The following ATP8A2 variants were observed in gnomAD, a reference collection of about 807,000 sequenced individuals.
The protein encoded by ATP8A2 is phospholipid-transporting ATPase IB.
In ATP8A2, 100 loss-of-function variants were observed where a neutral mutation model predicts 165.6. The observed-to-expected ratio is 0.60, with a 90% CI of 0.51 to 0.71. The LOEUF is 0.71. Ranked by LOEUF, ATP8A2 falls within the 30% of genes least tolerant of loss-of-function variation. The pLI is 0.00. For synonymous variants in ATP8A2, 543 were observed against 548.8 expected, an observed-to-expected ratio of 0.99 and a Z score of 0.15; for missense variants, 1,227 against 1,479.5, an observed-to-expected ratio of 0.83 and a Z score of 2.80.
chr13:25,679,758 C>G (rs1031809015), intron 24 of ATP8A2, among the ~76,000 whole-genome samples: 1 of 152,130 alleles, frequency 6.6e-6, no homozygotes, highest in Non-Finnish European at 1.5e-5. Context: ...CGAAGGATAC[C>G]ACCCTGGGCC....
chr13:25,809,285 G>A (rs781627707), intron 27 of ATP8A2, among the ~76,000 whole-genome samples: 5 of 152,002 alleles, frequency 3.3e-5, no homozygotes, highest in African/African-American at 7.2e-5. Context: ...TCAGCATCTC[G>A]CAGTATACCC....
At chr13:25,929,681 G>GA in intron 33 of ATP8A2, among the ~76,000 whole-genome samples, 1 of 152,156 alleles carries the variant, frequency 6.6e-6, no homozygotes, top group East Asian at 1.9e-4. Flanking sequence ...AACACAGTGA[G>GA]ACCTCGTCTC....
chr13:25,578,156 C>T lies in ATP8A2; in HGVS notation c.1783-659C>T, dbSNP rs150453037. On this transcript the variant is annotated intron_variant, in intron 20 of 36. Transcript: ENST00000381655. ...GCTGTCAGTATAGAAGAGGTACATA[C>T]GAAAATGTTGCAAAGGTGTGTTGTA... Among the ~76,000 whole-genome samples the T allele has an allele frequency of 1.4e-3, 211 of 152,246 alleles. 1 individual carries two copies. The highest frequency in any genetic ancestry group is 4.8e-3 in the African/African-American group (201 of 41,562).
At chr13:25,860,330 A>G (rs1952308502) in intron 31 of ATP8A2, 74 bp downstream of exon 31, 1 of 817,066 alleles carries the variant, frequency 1.2e-6, no homozygotes, top group Non-Finnish European at 2.0e-6. Flanking sequence ...AACCCTTAAA[A>G]AGGGCCTTCC....
At chr13:25,738,328 T>G in intron 25 of ATP8A2, among the ~76,000 whole-genome samples, 1 of 104,528 alleles carries the variant, frequency 9.6e-6, no homozygotes, top group Non-Finnish European at 1.8e-5. Flanking sequence ...TTTTTTTCTT[T>G]TTGTGCCCCC....
intron 2 of ATP8A2, among the ~76,000 whole-genome samples, chr13:25,511,076 T>G (rs9578877): frequency 0.022 from 3,400 of 152,322 alleles, 56 homozygotes; most frequent in African/African-American, 0.044. Context: ...TTCTCTACAT[T>G]GTGAAATACA....
At chr13:25,890,456 A>G (rs1468226668) in intron 33 of ATP8A2, among the ~76,000 whole-genome samples, 5 of 152,240 alleles carry the variant, frequency 3.3e-5, no homozygotes, top group Non-Finnish European at 7.3e-5. Context: ...CTAATGAAAT[A>G]TATTGTACTA....
At chr13:25,476,348 C>T (rs964474614) in intron 2 of ATP8A2, among the ~76,000 whole-genome samples, 6 of 151,460 alleles carry the variant, frequency 4.0e-5, no homozygotes, top group Admixed American at 6.6e-5. Flanking sequence ...TGCAGTGGCG[C>T]GAACTCCACT....
chr13:25,862,915 G>A (rs1272359566), intron 33 of ATP8A2, among the ~76,000 whole-genome samples: 2 of 152,206 alleles, frequency 1.3e-5, no homozygotes, highest in African/African-American at 4.8e-5. Context: ...GAGAGGCTGA[G>A]ATTGAAGACC....
intron 1 of ATP8A2, among the ~76,000 whole-genome samples, chr13:25,438,392 C>G (rs996941341): frequency 1.3e-5 from 2 of 152,026 alleles, no homozygotes; most frequent in Admixed American, 1.3e-4. Context: ...TCTTGCAATC[C>G]CAGCACTTTG....
At chr13:25,987,710 G>A (rs947467378) in intron 35 of ATP8A2, among the ~76,000 whole-genome samples, 7 of 152,202 alleles carry the variant, frequency 4.6e-5, no homozygotes, top group Admixed American at 1.3e-4. Context: ...CAGGTGATAG[G>A]CCTGGTTCTT....
chr13:25,496,851 A>G (rs969570150), intron 2 of ATP8A2, among the ~76,000 whole-genome samples: 2 of 152,194 alleles, frequency 1.3e-5, no homozygotes, highest in African/African-American at 4.8e-5. Flanking sequence ...TAATATTCTT[A>G]TTAAAATATC....
intron 24 of ATP8A2, among the ~76,000 whole-genome samples, chr13:25,666,244 T>C (rs2137721640): frequency 6.6e-6 from 1 of 152,302 alleles, no homozygotes; most frequent in Admixed American, 6.5e-5. Context: ...CTAGTCTTGC[T>C]CTGTCACCCA....
chr13:25,502,607 G>A lies in ATP8A2; in HGVS notation c.222-27392G>A, dbSNP rs689476. Reference sequence around the variant, plus strand: ...AAGTTAACTTTTTAAGCTGCTAATAGTAAGCTACAAATAGTAACTGCTATG... The same window carrying A: ...AAGTTAACTTTTTAAGCTGCTAATAATAAGCTACAAATAGTAACTGCTATG... On this transcript the variant is annotated intron_variant, in intron 2 of 36. Coordinates refer to ENST00000381655, the MANE Select transcript of ATP8A2 (RefSeq NM_016529.6). Among the ~76,000 whole-genome samples, 45 of 152,292 alleles carry A rather than the reference G, an allele frequency of 3.0e-4. No homozygotes were observed. In the East Asian group the frequency reaches 4.8e-3, roughly 16 times the overall value.
chr13:25,509,810 A>T (rs9578875), intron 2 of ATP8A2, among the ~76,000 whole-genome samples: 9,056 of 152,272 alleles, frequency 0.059, 346 homozygotes, highest in South Asian at 0.13. Context: ...ATACCAGTAC[A>T]TTGTGTTTTT....
chr13:26,001,216 T>C (rs1488657822), intron 35 of ATP8A2, among the ~76,000 whole-genome samples: 2 of 152,254 alleles, frequency 1.3e-5, no homozygotes, highest in Non-Finnish European at 2.9e-5. Flanking sequence ...ATCTGTACCA[T>C]ATTTCTTTAT....
At chr13:25,952,551 T>C (rs1222363377) in intron 33 of ATP8A2, among the ~76,000 whole-genome samples, 1 of 152,030 alleles carries the variant, frequency 6.6e-6, no homozygotes, top group Non-Finnish European at 1.5e-5. Context: ...GCTATTTTTA[T>C]TTTTTGTAGA....
intron 1 of ATP8A2, among the ~76,000 whole-genome samples, chr13:25,393,144 T>A (rs2033307349): frequency 6.6e-6 from 1 of 151,690 alleles, no homozygotes; most frequent in African/African-American, 2.4e-5. Context: ...TTTTTTTTTT[T>A]TTTAAGACAG....
chr13:25,623,814 C>CATAAATGCATAAATTATGCATAGATT (rs758555735), intron 24 of ATP8A2, among the ~76,000 whole-genome samples: 3 of 151,754 alleles, frequency 2.0e-5, no homozygotes, highest in Non-Finnish European at 4.4e-5. Context: ...TCTAGATGAG[C>CATAAATGCATAAATTATGCATAGATT]ATAAATGCAT....
Sources: allele counts gnomAD v4.1 joint callset (sites outside exome capture counted in the v4.1 genomes callset), GRCh38; gene constraint gnomAD v4.1.1; transcripts MANE v1.5; gene names NCBI Gene and HGNC (gene_info 2026-07-23, HGNC 2026-07-21).